The following SSPN variants were observed in gnomAD, a reference collection of about 807,000 sequenced individuals.
SSPN encodes the protein sarcospan.
Under a neutral mutation model 19.1 loss-of-function variants are expected in SSPN, and 15 were observed. That is an observed-to-expected ratio of 0.78 (90% CI 0.52 to 1.21). SSPN has a LOEUF of 1.21. Ranked by LOEUF, SSPN falls within the 50% of genes most tolerant of loss-of-function variation. SSPN has a pLI of 0.00. For synonymous variants in SSPN, 147 were observed against 140.3 expected, an observed-to-expected ratio of 1.05 and a Z score of -0.34; for missense variants, 291 against 314.0, an observed-to-expected ratio of 0.93 and a Z score of 0.55.
At chr12:26,212,380 C>G (rs766128297) in intron 1 of SSPN, among the ~76,000 whole-genome samples, 1 of 152,144 alleles carries the variant, frequency 6.6e-6, no homozygotes, top group Non-Finnish European at 1.5e-5. Flanking sequence ...AAATACTTTT[C>G]TGTGATAGAA....
At position 26,232,635 on chromosome 12, in the gene SSPN, G is replaced by A. The variant is rs1428868090; in HGVS notation, c.*1559G>A. 6.1e-6 allele frequency: 6 copies of A among 985,036 alleles called. No individual in the cohort carries two copies. In the East Asian group the frequency reaches 5.7e-4, roughly 93 times the overall value. The allele number at this position is 985,036 out of a possible 1,614,324, so 61.0% of individuals were successfully genotyped here. A position where few individuals can be genotyped will look rare whatever the true frequency, so the allele number is the denominator to read the frequency against. ...GAATAATTCCACTGATTGTGATAATGGTTTCAATTTCTACACAATATAAAT... is the reference window on the plus strand; with the variant it reads ...GAATAATTCCACTGATTGTGATAATAGTTTCAATTTCTACACAATATAAAT... On this transcript the variant is annotated 3_prime_UTR_variant, in exon 3 of 3. Transcript: ENST00000242729.
rs567816801 is a variant in SSPN at position 26,145,384 on chromosome 12, G to A, written c.-31+23232G>A. Among the ~76,000 whole-genome samples, 19 of 152,308 alleles carry A rather than the reference G, an allele frequency of 1.2e-4. No homozygotes were observed. The East Asian group carries it at 3.7e-3, about 29-fold the overall frequency. ...CAATCACTGTGTCCTGGGAGGGCTG[G>A]TGAGGGGCTCTGATTCATCCAGTGT... On this transcript the variant is annotated intron_variant, in intron 1 of 2. Coordinates refer to the SSPN transcript ENST00000538142.
chr12:26,194,542 C>T (rs577597640), upstream of SSPN, among the ~76,000 whole-genome samples: 4 of 152,334 alleles, frequency 2.6e-5, no homozygotes, highest in Admixed American at 2.0e-4. Flanking sequence ...CGTGCCACCA[C>T]GCCTGTCTAA....
intron 1 of SSPN, among the ~76,000 whole-genome samples, chr12:26,181,821 T>G (rs918898884): frequency 6.6e-6 from 1 of 152,196 alleles, no homozygotes; most frequent in Non-Finnish European, 1.5e-5. Flanking sequence ...AGGTCAAAGA[T>G]TGCTTTTTAA....
At chr12:26,161,353 G>A (rs1358118864) in intron 1 of SSPN, among the ~76,000 whole-genome samples, 1 of 151,904 alleles carries the variant, frequency 6.6e-6, no homozygotes, top group African/African-American at 2.4e-5. Flanking sequence ...TATGCCCGAG[G>A]GTCTTGGCTT....
intron 1 of SSPN, among the ~76,000 whole-genome samples, chr12:26,173,249 G>A (rs570536264): frequency 1.5e-4 from 23 of 152,264 alleles, no homozygotes; most frequent in African/African-American, 5.1e-4. Flanking sequence ...AGAAAAGAGC[G>A]TGGGGACAAA....
chr12:26,143,524 G>T (rs1003400481), intron 1 of SSPN, among the ~76,000 whole-genome samples: 1 of 152,168 alleles, frequency 6.6e-6, no homozygotes. Context: ...TGCAGAGCTG[G>T]TGTTTTAAGT....
intron 1 of SSPN, among the ~76,000 whole-genome samples, chr12:26,128,930 A>C (rs1054203042): frequency 6.6e-6 from 1 of 152,220 alleles, no homozygotes; most frequent in East Asian, 1.9e-4. Flanking sequence ...TCCTGCACTC[A>C]TTATATTCAC....
At chr12:26,151,418 T>G (rs1246596201) in intron 1 of SSPN, among the ~76,000 whole-genome samples, 2 of 152,226 alleles carry the variant, frequency 1.3e-5, no homozygotes, top group African/African-American at 4.8e-5. Flanking sequence ...ATTTTTCTCT[T>G]GCTGTTACCC....
intron 1 of SSPN, chr12:26,124,457 A>T: frequency 6.5e-7 from 1 of 1,539,280 alleles, no homozygotes; most frequent in African/African-American, 1.4e-5. Flanking sequence ...TTCACTGTGA[A>T]ATCAATGGCT....
intron 1 of SSPN, among the ~76,000 whole-genome samples, chr12:26,160,313 C>T (rs1483799020): frequency 6.6e-6 from 1 of 152,230 alleles, no homozygotes; most frequent in Non-Finnish European, 1.5e-5. Context: ...TTATATTCCT[C>T]ATTTACCCCT....
At chr12:26,138,859 T>C (rs1215236667) in intron 1 of SSPN, among the ~76,000 whole-genome samples, 2 of 152,212 alleles carry the variant, frequency 1.3e-5, no homozygotes, top group African/African-American at 2.4e-5. Context: ...TTAATTTTAC[T>C]GGAACTCAAA....
chr12:26,168,295 G>A (rs542713631), intron 1 of SSPN, among the ~76,000 whole-genome samples: 2 of 151,966 alleles, frequency 1.3e-5, no homozygotes, highest in South Asian at 4.2e-4. Context: ...CTAAAGGGAA[G>A]GGCACTAAGA....
At chr12:26,168,637 G>T (rs1029493070) in intron 1 of SSPN, among the ~76,000 whole-genome samples, 2 of 152,198 alleles carry the variant, frequency 1.3e-5, no homozygotes, top group Non-Finnish European at 2.9e-5. Context: ...GGAAGACATT[G>T]TTGCATTCTG....
intron 1 of SSPN, among the ~76,000 whole-genome samples, chr12:26,169,187 C>G (rs554236983): frequency 3.7e-4 from 56 of 151,950 alleles, no homozygotes; most frequent in African/African-American, 1.4e-3. Context: ...ATTCTGTTTT[C>G]TACTAACTTT....
chr12:26,171,812 C>T (rs1207636710), intron 1 of SSPN, among the ~76,000 whole-genome samples: 1 of 152,054 alleles, frequency 6.6e-6, no homozygotes, highest in Non-Finnish European at 1.5e-5. Flanking sequence ...TTCTTAAGAA[C>T]ATAAAGAGTT....
chr12:26,131,062 T>C (rs1211378364), intron 1 of SSPN, among the ~76,000 whole-genome samples: 1 of 152,236 alleles, frequency 6.6e-6, no homozygotes, highest in African/African-American at 2.4e-5. Context: ...TCTGCAGTGA[T>C]GTGACTAAAA....
intron 1 of SSPN, among the ~76,000 whole-genome samples, chr12:26,212,449 CT>C (rs1384052370): frequency 1.3e-5 from 2 of 152,020 alleles, no homozygotes; most frequent in Non-Finnish European, 2.9e-5. Flanking sequence ...TTACCATCTT[CT>C]TTTAAAAATA....
At chr12:26,164,195 C>T (rs749220844) in intron 1 of SSPN, among the ~76,000 whole-genome samples, 20 of 152,196 alleles carry the variant, frequency 1.3e-4, no homozygotes, top group Non-Finnish European at 2.4e-4. Context: ...AGCAGTGTTT[C>T]TCAAAGCATG....
Sources: gnomAD v4.1 joint callset for allele counts (sites outside exome capture counted in the v4.1 genomes callset) on GRCh38, gnomAD v4.1.1 for gene constraint, MANE v1.5 for transcripts, NCBI Gene and HGNC (gene_info 2026-07-23, HGNC 2026-07-21) for gene names.